The following NID2 variants were observed in gnomAD, a reference collection of about 807,000 sequenced individuals.
The protein encoded by NID2 is nidogen-2.
In NID2, 83 loss-of-function variants were observed where a neutral mutation model predicts 145.4. That is an observed-to-expected ratio of 0.57 (90% CI 0.48 to 0.69). The LOEUF (loss-of-function observed/expected upper bound fraction) is 0.69. Ranked by LOEUF, NID2 falls within the 30% of genes least tolerant of loss-of-function variation. The pLI, the probability that NID2 is intolerant of heterozygous loss-of-function variation, is 0.00. For missense variants in NID2, 1,807 were observed against 1,765.7 expected (o/e 1.02, Z -0.42); for synonymous variants, 739 against 701.3 (o/e 1.05, Z -0.85).
In NID2 at chr14:52,006,670, C is replaced by CA; in HGVS notation, c.3881-11dup. On this transcript the variant is annotated splice_polypyrimidine_tract_variant and intron_variant, in intron 19 of 21. Transcript: ENST00000216286. Reference sequence around the variant, plus strand: ...TCCAGTTTTTTGGTTCCTTTTAAAACAAAGGGGGAAAATGAGGTCCTTCAG... The same window carrying CA: ...TCCAGTTTTTTGGTTCCTTTTAAAACAAAAGGGGGAAAATGAGGTCCTTCAG... The CA allele has an allele frequency of 6.2e-7, 1 of 1,612,874 alleles. No individual in the cohort carries two copies. Among genetic ancestry groups the CA allele is most frequent in the South Asian group, 1.1e-5 (1 of 90,988 alleles).
intron 18 of NID2, chr14:52,009,252 T>C (rs1359689859): frequency 1.3e-5 from 2 of 152,160 alleles, no homozygotes; most frequent in African/African-American, 2.4e-5. Context: ...ATGCATATCA[T>C]TGCTTCATCG....
At chr14:52,012,913 C>G (rs1891085796) in intron 16 of NID2, among the ~76,000 whole-genome samples, 2 of 152,252 alleles carry the variant, frequency 1.3e-5, no homozygotes, top group South Asian at 4.1e-4. Flanking sequence ...TGGGGCTTGG[C>G]TTCACTTACG....
chr14:52,007,919 C>T lies in NID2; in HGVS notation c.3771G>A (p.Thr1257=), dbSNP rs763905618. 11 of 1,613,374 alleles carry T rather than the reference C, an allele frequency of 6.8e-6. No homozygotes were observed. The highest frequency in any genetic ancestry group is 3.3e-5 in the Admixed American group (2 of 59,872). Reference sequence around the variant, plus strand: ...TTCTGTTTTCTCCATCTAAAGATGACGTTTCAATTTTAGGAGCTTCTCTAT... The same window carrying T: ...TTCTGTTTTCTCCATCTAAAGATGATGTTTCAATTTTAGGAGCTTCTCTAT... ...DWNREAPKIE[T]SSLDGENRRI... The change falls in exon 19 of 22, where the codon ACG becomes ACA. Residue 1257 remains threonine (T), a synonymous_variant. Coordinates refer to ENST00000216286, the MANE Select transcript of NID2 (RefSeq NM_007361.4).
At chr14:52,033,397 C>T (rs1183540639) in intron 9 of NID2, among the ~76,000 whole-genome samples, 1 of 152,082 alleles carries the variant, frequency 6.6e-6, no homozygotes, top group Non-Finnish European at 1.5e-5. Context: ...CACAAAACAA[C>T]CAACCAACCA....
chr14:52,009,245 C>T (rs1017931817), intron 18 of NID2: 7 of 152,166 alleles, frequency 4.6e-5, no homozygotes, highest in Non-Finnish European at 1.0e-4. Context: ...GTACAGCATG[C>T]ATATCATTGC....
At chr14:52,014,583 G>A in intron 15 of NID2, 127 bp from the exon 16 acceptor site, 3 of 922,794 alleles carry the variant, frequency 3.3e-6, no homozygotes, top group Non-Finnish European at 3.2e-6. Context: ...ACGCAGATGT[G>A]CTCCAGATGT....
intron 9 of NID2, among the ~76,000 whole-genome samples, chr14:52,033,006 C>A (rs1052729529): frequency 2.0e-5 from 3 of 152,146 alleles, no homozygotes; most frequent in Admixed American, 6.5e-5. Flanking sequence ...AGCGTTAAAC[C>A]AAGCATGGGG....
intron 14 of NID2, among the ~76,000 whole-genome samples, chr14:52,015,985 G>A (rs1891203235): frequency 6.6e-6 from 1 of 152,084 alleles, no homozygotes; most frequent in Non-Finnish European, 1.5e-5. Flanking sequence ...CCTGCGCCTG[G>A]GATTATCTCA....
chr14:52,028,590 G>T, intron 11 of NID2, 132 bp downstream of exon 11: 1 of 1,049,660 alleles, frequency 9.5e-7, no homozygotes, highest in Non-Finnish European at 1.3e-6. Flanking sequence ...GGGTTATTTT[G>T]ATGTAAACTG....
intron 9 of NID2, among the ~76,000 whole-genome samples, chr14:52,030,712 A>ATGG (rs926590537): frequency 6.6e-6 from 1 of 152,130 alleles, no homozygotes; most frequent in African/African-American, 2.4e-5. Context: ...TTAGCCGAGC[A>ATGG]TGGTGGCCCA....
intron 7 of NID2, 104 bp from the exon 8 acceptor site, chr14:52,040,955 G>A: frequency 1.0e-6 from 1 of 972,576 alleles, no homozygotes; most frequent in Non-Finnish European, 1.6e-6. Context: ...TGGAGATCGT[G>A]CCTAAGGAGA....
At chr14:52,029,413 A>T (rs1345871487) in intron 10 of NID2, 134 bp downstream of exon 10, 1 of 849,842 alleles carries the variant, frequency 1.2e-6, no homozygotes, top group Non-Finnish European at 1.8e-6. Flanking sequence ...CTATATTCAG[A>T]TTAACAGCTG....
intron 14 of NID2, among the ~76,000 whole-genome samples, chr14:52,016,931 T>C (rs987060693): frequency 1.3e-5 from 2 of 152,126 alleles, no homozygotes; most frequent in African/African-American, 2.4e-5. Flanking sequence ...CTCACCAGAA[T>C]TGGGGGAAGC....
chr14:52,005,826 T>G lies in NID2; in HGVS notation c.4028A>C (p.Lys1343Thr). Reference sequence around the variant, plus strand: ...CTCATCAGTAAACTGGCCACTATGTTTATTTACTGATACAACACCATCCCT... The same window carrying G: ...CTCATCAGTAAACTGGCCACTATGTGTATTTACTGATACAACACCATCCCT... Reference protein sequence around the residue: ...WRRDGVVSVNKHSGQFTDEYL... With the variant: ...WRRDGVVSVNTHSGQFTDEYL... The change falls in exon 21 of 22, where the codon AAA becomes ACA. Residue 1343 changes from lysine to threonine, a missense_variant. Physicochemically the swap from Lys to Thr is moderately conservative, Grantham distance 78. Transcript: ENST00000216286. The G allele has an allele frequency of 1.2e-6, 2 of 1,612,674 alleles. No individual in the cohort carries two copies. The highest frequency in any genetic ancestry group is 1.7e-6 in the Non-Finnish European group (2 of 1,178,690).
intron 9 of NID2, among the ~76,000 whole-genome samples, chr14:52,037,095 GTT>G (rs1322814647): frequency 6.6e-6 from 1 of 152,266 alleles, no homozygotes; most frequent in East Asian, 1.9e-4. Flanking sequence ...TCTTCTAAAA[GTT>G]TTAACTCTTA....
At chr14:52,048,680 AGGG>A (rs1432430759) in intron 5 of NID2, among the ~76,000 whole-genome samples, 1 of 152,124 alleles carries the variant, frequency 6.6e-6, no homozygotes, top group Non-Finnish European at 1.5e-5. Context: ...CATCAAATTG[AGGG>A]GGCATCAGAA....
chr14:52,048,342 C>T (rs528034268), intron 5 of NID2, among the ~76,000 whole-genome samples: 9 of 152,300 alleles, frequency 5.9e-5, no homozygotes, highest in Admixed American at 2.6e-4. Flanking sequence ...GCTGAGCCCA[C>T]GTGCAGCTAT....
intron 5 of NID2, among the ~76,000 whole-genome samples, chr14:52,046,212 A>C (rs1892486111): frequency 6.6e-6 from 1 of 151,050 alleles, no homozygotes; most frequent in Non-Finnish European, 1.5e-5. Context: ...AGTCCCAGCT[A>C]CTCGGGAGGC....
At position 52,018,674 on chromosome 14, in the gene NID2, T is replaced by C. The variant is rs78079863; in HGVS notation, c.3028+387A>G. 4.5e-3 allele frequency among the ~76,000 whole-genome samples: 682 copies of C among 152,354 alleles called. 5 individuals carry two copies. The highest frequency in any genetic ancestry group is 0.016 in the African/African-American group (652 of 41,584). ...ATTCAGAAGGCAGAGGTAAGTGAGATAGTTACATAGGAAAGCAGTTTTCCT... is the reference window on the plus strand; with the variant it reads ...ATTCAGAAGGCAGAGGTAAGTGAGACAGTTACATAGGAAAGCAGTTTTCCT... On this transcript the variant is annotated intron_variant, in intron 14 of 21. Transcript: ENST00000216286.
Sources: allele counts gnomAD v4.1 joint callset (sites outside exome capture counted in the v4.1 genomes callset), GRCh38; gene constraint gnomAD v4.1.1; transcripts MANE v1.5; gene names NCBI Gene and HGNC (gene_info 2026-07-23, HGNC 2026-07-21).